Variants in TMOD4 observed in about 807,000 individuals in gnomAD.
TMOD4 encodes the protein tropomodulin-4.
In TMOD4, 34 loss-of-function variants were observed where a neutral mutation model predicts 45.4. That is an observed-to-expected ratio of 0.75 (90% CI 0.57 to 1.00). TMOD4 has a LOEUF of 1.00. Ranked by LOEUF, TMOD4 falls within the 50% of genes least tolerant of loss-of-function variation. The pLI is 0.00. For synonymous variants in TMOD4, 131 were observed against 153.9 expected (o/e 0.85, Z 1.10); for missense variants, 399 against 437.5 (o/e 0.91, Z 0.78).
chr1:151,171,459 T>C lies in TMOD4; in HGVS notation c.700A>G (p.Thr234Ala), dbSNP rs1683952553. The C allele has an allele frequency of 1.2e-6, 2 of 1,614,228 alleles. No homozygotes were observed. The highest frequency in any genetic ancestry group is 1.7e-6 in the Non-Finnish European group (2 of 1,180,040). ...TTGGCAATGGGGTCACCACTCCTCG[T>C]GGCTACCAGACTGAAGCTCCGCACA... ...TYVRSFSLVA[T>A]RSGDPIANAV... is the part of the protein sequence containing the mutation. Residue 234 changes from threonine to alanine, a missense_variant, in exon 7 of 10, where the codon ACG becomes GCG. By Grantham distance (58) the Thr-to-Ala change is moderately conservative. Transcript: ENST00000295314.
At chr1:151,171,843 T>TC in intron 5 of TMOD4, 80 bp from the exon 6 acceptor site, 4 of 1,499,434 alleles carry the variant, frequency 2.7e-6, no homozygotes, top group Non-Finnish European at 3.5e-6. Flanking sequence ...CTTTTCTTTT[T>TC]TTTTTTTTTT....
At position 151,170,500 on chromosome 1, in the gene TMOD4, C is replaced by G. The variant is rs1273125409; in HGVS notation, c.1015+19G>C. ...GCACTTCCCTGACCACTCCACACAT[C>G]ATGTCTGCAGTTACTCACGTAGTTC... is the stretch of plus-strand genomic sequence containing the variant. On this transcript the variant is annotated intron_variant, in intron 9 of 9. Coordinates refer to ENST00000295314, the MANE Select transcript of TMOD4 (RefSeq NM_013353.3). The G allele has an allele frequency of 1.9e-6, 3 of 1,613,946 alleles. No homozygotes were observed. Among genetic ancestry groups the G allele is most frequent in the Non-Finnish European group, 2.5e-6 (3 of 1,179,854 alleles).
At position 151,170,908 on chromosome 1, in the gene TMOD4, G is replaced by C. The variant is rs1047991249; in HGVS notation, c.870+12C>G. The C allele has an allele frequency of 1.2e-6, 2 of 1,613,644 alleles. No individual in the cohort carries two copies. The highest frequency in any genetic ancestry group is 2.7e-5 in the African/African-American group (2 of 74,940). Reference sequence around the variant, plus strand: ...AGACTGAATGCTAACATCAGGGGAAGGGAATGCTGACCTGATTGTCTACAC... The same window carrying C: ...AGACTGAATGCTAACATCAGGGGAACGGAATGCTGACCTGATTGTCTACAC... On this transcript the variant is annotated intron_variant, in intron 8 of 9. Transcript: ENST00000295314.
At chr1:151,171,851 T>C in intron 5 of TMOD4, 88 bp from the exon 6 acceptor site, 5 of 1,470,416 alleles carry the variant, frequency 3.4e-6, no homozygotes, top group Non-Finnish European at 4.5e-6. Context: ...TTTTTTTTTT[T>C]TTGAGATGGA....
chr1:151,173,022 C>T (rs927913519), intron 4 of TMOD4, among the ~76,000 whole-genome samples: 4 of 152,030 alleles, frequency 2.6e-5, no homozygotes, highest in Admixed American at 6.6e-5. Context: ...GGGGTTTCAC[C>T]GTGTTAGCCA....
chr1:151,170,751 A>T, intron 8 of TMOD4, 88 bp from the exon 9 acceptor site: 1 of 1,558,546 alleles, frequency 6.4e-7, no homozygotes, highest in African/African-American at 1.4e-5. Flanking sequence ...AGGTCAAAGA[A>T]GCTTGTTTCT....
In TMOD4 at chr1:151,170,712, T is replaced by G. The variant is rs200088769; in HGVS notation, c.871-49A>C. Reference sequence around the variant, plus strand: ...TGACAGTCACCCTCTCTGGGCTGTTTACCATCCCACATCACAGACCCCTTT... The same window carrying G: ...TGACAGTCACCCTCTCTGGGCTGTTGACCATCCCACATCACAGACCCCTTT... On this transcript the variant is annotated intron_variant, in intron 8 of 9. Coordinates refer to ENST00000295314, the MANE Select transcript of TMOD4 (RefSeq NM_013353.3). 38 of 1,607,534 alleles carry G rather than the reference T, an allele frequency of 2.4e-5. No individual in the cohort carries two copies. In the East Asian group the frequency reaches 7.1e-4, roughly 30 times the overall value.
At chr1:151,170,695 A>C in intron 8 of TMOD4, 32 bp from the exon 9 acceptor site, 2 of 1,612,156 alleles carry the variant, frequency 1.2e-6, no homozygotes, top group East Asian at 4.5e-5. Flanking sequence ...GCTGACAGTC[A>C]CCCTCTCTGG....
intron 1 of TMOD4, 26 bp from the exon 2 acceptor site, chr1:151,174,943 G>A (rs895962083): frequency 2.0e-5 from 32 of 1,598,250 alleles, no homozygotes; most frequent in African/African-American, 5.4e-5. Context: ...CAAAAGGATG[G>A]ACAATGGTAA....
chr1:151,173,562 G>T lies in TMOD4; in HGVS notation c.334C>A (p.Leu112Met), dbSNP rs1684018057. Residue 112 changes from leucine to methionine, a missense_variant, in exon 4 of 10, where the codon CTG becomes ATG. Coordinates refer to ENST00000295314, the MANE Select transcript of TMOD4 (RefSeq NM_013353.3). ...REIPAEEQIT[L>M]EPELEEALAH... ...AGTGCCTCCTCCAGCTCAGGCTCCA[G>T]GGTGATCTGCTCCTCTGCTGGGATT... is the stretch of plus-strand genomic sequence containing the variant. The T allele has an allele frequency of 3.1e-6, 5 of 1,614,086 alleles. No homozygotes were observed. In the African/African-American group the frequency reaches 6.7e-5, roughly 22 times the overall value.
Position 151,171,530 on chromosome 1 carries a change from A to AT in TMOD4, c.628dup (p.Ile210AsnfsTer6). The stretch of plus-strand genomic sequence containing the variant: ...CTCACACAGCTCACTTAGCATGGGT[A>AT]TTGGGATGTCCTATCGGAGGGGAAT... On this transcript the variant is annotated frameshift_variant, in exon 7 of 10. Transcript: ENST00000295314. LOFTEE classifies it high-confidence loss of function. 1 of 1,614,074 alleles carries AT rather than the reference A, an allele frequency of 6.2e-7. No individual in the cohort carries two copies. The highest frequency in any genetic ancestry group is 8.5e-7 in the Non-Finnish European group (1 of 1,179,992).
intron 1 of TMOD4, chr1:151,175,271 T>C: frequency 5.6e-6 from 1 of 177,262 alleles, no homozygotes; most frequent in Non-Finnish European, 1.2e-5. Context: ...GCTGGTCCTA[T>C]GCCCAGTTCC....
At chr1:151,173,425 T>A in intron 4 of TMOD4, 74 bp downstream of exon 4, 1 of 1,118,256 alleles carries the variant, frequency 8.9e-7, no homozygotes. Context: ...AGGGCCTTCC[T>A]CACTAGTCCC....
chr1:151,170,971 C>T lies in TMOD4; in HGVS notation c.819G>A (p.Leu273=), dbSNP rs587687909. Residue 273 remains leucine, a synonymous_variant, in exon 8 of 10, where the codon CTG becomes CTA. Transcript: ENST00000295314. ...FISSTGLMAV[L]KAVRENATLT... The stretch of plus-strand genomic sequence containing the variant: ...GTGTGGCATTTTCCCGAACTGCCTT[C>T]AGCACAGCCATGAGTCCTGTGCTGC... 7 of 1,614,188 alleles carry T rather than the reference C, an allele frequency of 4.3e-6. No individual in the cohort carries two copies. In the East Asian group the frequency reaches 6.7e-5, roughly 15 times the overall value.
intron 9 of TMOD4, 197 bp downstream of exon 9, chr1:151,170,322 T>C (rs1683906524): frequency 1.2e-6 from 1 of 859,174 alleles, no homozygotes; most frequent in Admixed American, 2.5e-5. Context: ...GCATCCTTTC[T>C]ACCTCTCTAC....
rs768015280 is a variant in TMOD4, at chr1:151,171,036, G to A, written c.754C>T (p.Arg252Cys). ...TCGATGTTTAGGCTCTGGAGGCTAC[G>A]ATTCTCACGCAACATGTCAGCCACT... ...NAVADMLREN[R>C]SLQSLNIESN... The change falls in exon 8 of 10, where the codon CGT becomes TGT. Residue 252 changes from arginine (R) to cysteine (C), a missense_variant. By Grantham distance (180) the Arg-to-Cys change is radical. Coordinates refer to ENST00000295314, the MANE Select transcript of TMOD4 (RefSeq NM_013353.3). 4.8e-5 allele frequency: 78 copies of A among 1,614,130 alleles called. 1 individual carries two copies. The South Asian group carries it at 5.6e-4, about 12-fold the overall frequency.
intron 4 of TMOD4, among the ~76,000 whole-genome samples, chr1:151,173,150 T>G (rs1303216728): frequency 2.0e-5 from 3 of 151,548 alleles, no homozygotes; most frequent in African/African-American, 7.3e-5. Flanking sequence ...GAGACGGGGT[T>G]TCACTATGTT....
intron 4 of TMOD4, among the ~76,000 whole-genome samples, chr1:151,173,291 C>T (rs587754458): frequency 4.6e-5 from 7 of 152,158 alleles, no homozygotes; most frequent in African/African-American, 1.7e-4. Flanking sequence ...TTTATTTGCT[C>T]TTACAATCCC....
intron 7 of TMOD4, 120 bp from the exon 8 acceptor site, chr1:151,171,183 T>C (rs1683941918): frequency 5.0e-6 from 6 of 1,195,098 alleles, no homozygotes; most frequent in Non-Finnish European, 7.2e-6. Context: ...GTGCTGTAAA[T>C]GGAGCTAGAG....
Sources: allele counts gnomAD v4.1 joint callset (sites outside exome capture counted in the v4.1 genomes callset), GRCh38; gene constraint gnomAD v4.1.1; transcripts MANE v1.5; gene names NCBI Gene and HGNC (gene_info 2026-07-23, HGNC 2026-07-21).